PTPRO: variants seen among roughly 807,000 people sequenced by gnomAD.
PTPRO encodes receptor-type tyrosine-protein phosphatase O.
PTPRO carries 62 observed loss-of-function variants against 145.2 expected under a neutral mutation model. The ratio of observed to expected loss-of-function variants is 0.43; its 90% CI spans 0.35 to 0.53. The LOEUF (loss-of-function observed/expected upper bound fraction) is 0.53, where lower values mean the gene tolerates loss of function less well. Ranked by LOEUF, PTPRO falls within the 20% of genes least tolerant of loss-of-function variation. PTPRO has a pLI of 0.01. For synonymous variants in PTPRO, 565 were observed against 514.7 expected (o/e 1.10, Z -1.32); for missense variants, 1,345 against 1,482.7 (o/e 0.91, Z 1.53).
chr12:15,551,455 C>T, intron 14 of PTPRO, 96 bp from the exon 15 acceptor site: 2 of 1,458,428 alleles, frequency 1.4e-6, no homozygotes, highest in Non-Finnish European at 1.9e-6. Context: ...TCATCGTAAG[C>T]TCACTGCCCT....
chr12:15,510,786 A>G (rs971643770), intron 7 of PTPRO, among the ~76,000 whole-genome samples: 2 of 152,132 alleles, frequency 1.3e-5, no homozygotes, highest in African/African-American at 2.4e-5. Context: ...AAAAGCACCA[A>G]TGGAAAGAAG....
At chr12:15,516,336 C>CAA (rs548537781) in intron 8 of PTPRO, among the ~76,000 whole-genome samples, 48 of 62,538 alleles carry the variant, frequency 7.7e-4, no homozygotes, top group African/African-American at 1.4e-3. Flanking sequence ...GACCCTGTCT[C>CAA]AAAAAAAAAA....
At chr12:15,474,266 T>C (rs2136421951) in intron 1 of PTPRO, among the ~76,000 whole-genome samples, 1 of 152,308 alleles carries the variant, frequency 6.6e-6, no homozygotes, top group African/African-American at 2.4e-5. Context: ...CCCGTTTTTG[T>C]CCTTGCCCCG....
At chr12:15,377,319 A>G (rs556739731) in intron 1 of PTPRO, among the ~76,000 whole-genome samples, 2 of 152,210 alleles carry the variant, frequency 1.3e-5, no homozygotes, top group African/African-American at 2.4e-5. Context: ...AAGAGCTACT[A>G]TAATGGCAAA....
intron 10 of PTPRO, among the ~76,000 whole-genome samples, chr12:15,522,907 A>G (rs1306814744): frequency 6.6e-6 from 1 of 152,262 alleles, no homozygotes; most frequent in Non-Finnish European, 1.5e-5. Context: ...CACTAAAATT[A>G]GGACATGAGA....
At chr12:15,434,043 C>T (rs1239677310) in intron 1 of PTPRO, among the ~76,000 whole-genome samples, 3 of 152,242 alleles carry the variant, frequency 2.0e-5, no homozygotes, top group South Asian at 2.1e-4. Flanking sequence ...GCACTGAATT[C>T]CCTGTTAATA....
chr12:15,452,567 C>A (rs1327589795), intron 1 of PTPRO, among the ~76,000 whole-genome samples: 2 of 152,118 alleles, frequency 1.3e-5, no homozygotes, highest in Admixed American at 6.5e-5. Flanking sequence ...AGACCAGTAT[C>A]CCTGATGAAT....
At chr12:15,468,597 T>G (rs989412924) in intron 1 of PTPRO, among the ~76,000 whole-genome samples, 1 of 152,236 alleles carries the variant, frequency 6.6e-6, no homozygotes, top group African/African-American at 2.4e-5. Flanking sequence ...TAGGAGCTCC[T>G]TGATCATCAA....
intron 9 of PTPRO, among the ~76,000 whole-genome samples, chr12:15,519,140 CAA>C (rs1303223118): frequency 6.6e-6 from 1 of 152,154 alleles, no homozygotes; most frequent in Admixed American, 6.5e-5. Context: ...TGGCGGGAGG[CAA>C]AGAGGAGCAA....
chr12:15,459,844 A>C (rs543188690), intron 1 of PTPRO, among the ~76,000 whole-genome samples: 2 of 152,298 alleles, frequency 1.3e-5, no homozygotes, highest in African/African-American at 2.4e-5. Flanking sequence ...GTAGGCTCAA[A>C]ATTTTTAATC....
chr12:15,333,707 A>C (rs945744012), intron 1 of PTPRO, among the ~76,000 whole-genome samples: 4 of 152,162 alleles, frequency 2.6e-5, no homozygotes, highest in Non-Finnish European at 4.4e-5. Flanking sequence ...GATGACCTGG[A>C]GATGCCATTT....
At chr12:15,555,217 G>A (rs1943588069) in intron 15 of PTPRO, among the ~76,000 whole-genome samples, 4 of 152,190 alleles carry the variant, frequency 2.6e-5, no homozygotes, top group South Asian at 4.1e-4. Context: ...CAGCCTGGGC[G>A]ACGACTGAGT....
chr12:15,383,466 T>C (rs1938925926), intron 1 of PTPRO, among the ~76,000 whole-genome samples: 1 of 152,172 alleles, frequency 6.6e-6, no homozygotes, highest in Non-Finnish European at 1.5e-5. Context: ...TCAACATAAA[T>C]GACTTAATGT....
At chr12:15,344,260 GAATT>G (rs1438732793) in intron 1 of PTPRO, among the ~76,000 whole-genome samples, 15 of 152,308 alleles carry the variant, frequency 9.8e-5, no homozygotes, top group South Asian at 2.1e-4. Context: ...TTCATTTTTA[GAATT>G]AATAGTAGGT....
At chr12:15,470,442 T>C (rs542798786) in intron 1 of PTPRO, among the ~76,000 whole-genome samples, 2 of 152,096 alleles carry the variant, frequency 1.3e-5, no homozygotes, top group East Asian at 3.9e-4. Context: ...ATATAAAATT[T>C]GGTATATGAC....
At chr12:15,475,650 G>C (rs970788404) in intron 1 of PTPRO, among the ~76,000 whole-genome samples, 1 of 151,576 alleles carries the variant, frequency 6.6e-6, no homozygotes, top group African/African-American at 2.4e-5. Flanking sequence ...TTTTCCAATA[G>C]GTTAAAAGTA....
intron 12 of PTPRO, among the ~76,000 whole-genome samples, chr12:15,534,142 C>T (rs1033817343): frequency 5.9e-5 from 9 of 152,064 alleles, no homozygotes; most frequent in Non-Finnish European, 8.8e-5. Context: ...AGCAGTTTCA[C>T]GAAACTTTGG....
At chr12:15,532,014 T>C (rs1942972213) in intron 12 of PTPRO, among the ~76,000 whole-genome samples, 3 of 152,178 alleles carry the variant, frequency 2.0e-5, no homozygotes, top group South Asian at 2.1e-4. Flanking sequence ...GATGTACTTT[T>C]AGAAAAATTT....
At chr12:15,348,935 T>C (rs1455178861) in intron 1 of PTPRO, among the ~76,000 whole-genome samples, 1 of 152,208 alleles carries the variant, frequency 6.6e-6, no homozygotes, top group African/African-American at 2.4e-5. Flanking sequence ...TTTGTATAAA[T>C]TTGTTGGAGC....
Sources: allele counts gnomAD v4.1 joint callset (sites outside exome capture counted in the v4.1 genomes callset), GRCh38; gene constraint gnomAD v4.1.1; transcripts MANE v1.5; gene names NCBI Gene and HGNC (gene_info 2026-07-23, HGNC 2026-07-21).